LY96: variants seen among roughly 807,000 people sequenced by gnomAD.
LY96 encodes lymphocyte antigen 96.
Under a neutral mutation model 18.9 loss-of-function variants are expected in LY96, and 18 were observed. That is an observed-to-expected ratio of 0.95 (90% CI 0.66 to 1.41). The LOEUF (loss-of-function observed/expected upper bound fraction) is 1.41, where lower values mean the gene tolerates loss of function less well. Among genes scored for constraint, LY96 ranks in the 40% most tolerant of loss-of-function variants. The probability of loss-of-function intolerance (pLI) is 0.00; values close to 1 mark genes in which losing one functional copy is unlikely to be tolerated. For missense variants in LY96, 175 were observed against 182.4 expected (o/e 0.96, Z 0.23); for synonymous variants, 66 against 62.6 (o/e 1.06, Z -0.26).
chr8:74,083,219 A>G, the LY96 span, among the ~76,000 whole-genome samples: 1 of 151,918 alleles, frequency 6.6e-6, no homozygotes, highest in African/African-American at 2.4e-5. Context: ...TTATTTTTTA[A>G]TTTTTATTTT....
At chr8:74,009,850 G>C (rs914022521) in intron 2 of LY96, 151 bp from the exon 3 acceptor site, 19 of 617,892 alleles carry the variant, frequency 3.1e-5, no homozygotes, top group South Asian at 1.9e-4. Flanking sequence ...CAGAAGAAGA[G>C]TAATAATTGA....
chr8:74,021,941 G>A (rs1025585386), intron 3 of LY96, among the ~76,000 whole-genome samples: 3 of 151,922 alleles, frequency 2.0e-5, no homozygotes, highest in Admixed American at 2.0e-4. Flanking sequence ...GGCTGGGGGA[G>A]GGATAGCATT....
chr8:74,071,902 T>C, the LY96 span, among the ~76,000 whole-genome samples: 2 of 152,240 alleles, frequency 1.3e-5, no homozygotes, highest in Non-Finnish European at 2.9e-5. Flanking sequence ...ACAATTTATT[T>C]ATTTATGCAT....
At chr8:74,043,174 G>A in the LY96 span, among the ~76,000 whole-genome samples, 1 of 152,226 alleles carries the variant, frequency 6.6e-6, no homozygotes, top group South Asian at 2.1e-4. Context: ...ACATAGAGGT[G>A]CCAGTAAATA....
chr8:74,092,372 G>A, the LY96 span, among the ~76,000 whole-genome samples: 1 of 152,172 alleles, frequency 6.6e-6, no homozygotes, highest in Non-Finnish European at 1.5e-5. Context: ...GAAAGGGTTT[G>A]GGAATGGCTC....
the LY96 span, among the ~76,000 whole-genome samples, chr8:74,048,320 G>A: frequency 6.6e-6 from 1 of 151,022 alleles, no homozygotes; most frequent in Non-Finnish European, 1.5e-5. Context: ...GGAGTACAGT[G>A]GTGCAATCTT....
chr8:74,051,028 A>T, the LY96 span, among the ~76,000 whole-genome samples: 22 of 152,314 alleles, frequency 1.4e-4, no homozygotes, highest in African/African-American at 5.1e-4. Flanking sequence ...GTCTCAAAAA[A>T]ATAAAAATTA....
chr8:74,031,844 C>T (rs919283342), downstream of LY96, among the ~76,000 whole-genome samples: 2 of 152,000 alleles, frequency 1.3e-5, no homozygotes, highest in African/African-American at 4.8e-5. Flanking sequence ...CAGAGGGTAG[C>T]CAGGCATGGT....
intron 1 of LY96, among the ~76,000 whole-genome samples, chr8:73,993,658 G>A (rs751446910): frequency 3.9e-5 from 6 of 152,106 alleles, no homozygotes; most frequent in Non-Finnish European, 8.8e-5. Flanking sequence ...GACCAGGCTG[G>A]CCTCCAACTC....
the LY96 span, among the ~76,000 whole-genome samples, chr8:74,077,928 C>G: frequency 6.6e-6 from 1 of 151,560 alleles, no homozygotes; most frequent in Non-Finnish European, 1.5e-5. Flanking sequence ...GGAAACGAAG[C>G]GAGACCTTGT....
chr8:74,041,632 C>G, the LY96 span, among the ~76,000 whole-genome samples: 489 of 152,276 alleles, frequency 3.2e-3, 3 homozygotes, highest in Non-Finnish European at 4.7e-3. Context: ...GAGTGTCTGT[C>G]TTATGCGGTT....
At chr8:74,050,616 C>T in the LY96 span, among the ~76,000 whole-genome samples, 3 of 152,072 alleles carry the variant, frequency 2.0e-5, no homozygotes, top group Non-Finnish European at 4.4e-5. Flanking sequence ...GTTATTTTAA[C>T]ATTTCTTAAC....
intron 4 of LY96, among the ~76,000 whole-genome samples, chr8:74,028,093 C>T (rs1816906205): frequency 6.6e-6 from 1 of 152,192 alleles, no homozygotes; most frequent in Non-Finnish European, 1.5e-5. Context: ...TCCTGATGGG[C>T]TTTTGTTACA....
intron 3 of LY96, among the ~76,000 whole-genome samples, chr8:74,024,880 T>A (rs551664749): frequency 1.3e-5 from 2 of 152,298 alleles, no homozygotes; most frequent in Admixed American, 1.3e-4. Flanking sequence ...CAGGCTGGAG[T>A]GAAGTGGCAC....
chr8:74,019,230 A>G (rs1816707248), intron 3 of LY96, among the ~76,000 whole-genome samples: 1 of 152,220 alleles, frequency 6.6e-6, no homozygotes, highest in African/African-American at 2.4e-5. Flanking sequence ...AAAAATGATA[A>G]AGGGGATATC....
chr8:74,099,084 A>G, the LY96 span, among the ~76,000 whole-genome samples: 6 of 152,200 alleles, frequency 3.9e-5, no homozygotes, highest in African/African-American at 1.4e-4. Flanking sequence ...TTGGCTCTAA[A>G]TAATCTTTTA....
the LY96 span, among the ~76,000 whole-genome samples, chr8:74,090,080 G>A: frequency 0.94 from 142,649 of 152,130 alleles, 67,047 homozygotes; most frequent in Middle Eastern, 0.98. Context: ...GAGGTTTGTG[G>A]TCTGACTTAC....
chr8:74,033,133 T>C (rs2131290709), downstream of LY96, among the ~76,000 whole-genome samples: 1 of 152,250 alleles, frequency 6.6e-6, no homozygotes, highest in East Asian at 1.9e-4. Flanking sequence ...TTATCAAGTT[T>C]GCTGTCTCTT....
chr8:74,097,881 C>G, the LY96 span, among the ~76,000 whole-genome samples: 1 of 152,190 alleles, frequency 6.6e-6, no homozygotes, highest in African/African-American at 2.4e-5. Context: ...CCTGCTGAAT[C>G]AGAAGCTGCC....
Sources: allele counts gnomAD v4.1 joint callset (sites outside exome capture counted in the v4.1 genomes callset), GRCh38; gene constraint gnomAD v4.1.1; transcripts MANE v1.5; gene names NCBI Gene and HGNC (gene_info 2026-07-23, HGNC 2026-07-21).